SZT2: variants seen among roughly 807,000 people sequenced by gnomAD.
SZT2 encodes the protein KICSTOR complex protein SZT2.
SZT2 carries 216 observed loss-of-function variants against 404.2 expected under a neutral mutation model. That is an observed-to-expected ratio of 0.53 (90% CI 0.48 to 0.60). The LOEUF is 0.60. SZT2 is among the 20% of genes least tolerant of loss of function. The probability of loss-of-function intolerance (pLI) is 0.00; values close to 1 mark genes in which losing one functional copy is unlikely to be tolerated. For synonymous variants in SZT2, 1,693 were observed against 1,749.9 expected, an observed-to-expected ratio of 0.97 and a Z score of 0.81; for missense variants, 3,857 against 4,459.2, an observed-to-expected ratio of 0.86 and a Z score of 3.85.
intron 1 of SZT2, among the ~76,000 whole-genome samples, chr1:43,392,083 C>CAA (rs57476239): frequency 5.9e-4 from 2 of 3,378 alleles, no homozygotes; most frequent in African/African-American, 1.6e-3. Context: ...GACTCCGTCT[C>CAA]AAAAAAAAAA....
intron 36 of SZT2, 144 bp downstream of exon 36, chr1:43,432,045 A>C: frequency 8.4e-7 from 1 of 1,186,372 alleles, no homozygotes; most frequent in Non-Finnish European, 1.2e-6. Context: ...ATCTGCCCTA[A>C]CCCCTGTGCT....
chr1:43,400,524 G>A (rs1432466875), intron 1 of SZT2, among the ~76,000 whole-genome samples: 2 of 152,064 alleles, frequency 1.3e-5, no homozygotes, highest in Non-Finnish European at 2.9e-5. Flanking sequence ...TTGGACCTCT[G>A]TTTTCTCCTG....
In SZT2 at chr1:43,434,397, G is replaced by A. The variant is rs779576338; in HGVS notation, c.5816G>A (p.Arg1939Gln). ...TCCTTCCTTCCCAGGAGCCTGATTCGGGAGGATGGGGGGCCGGGCACTGAG... is the reference window on the plus strand; with the variant it reads ...TCCTTCCTTCCCAGGAGCCTGATTCAGGAGGATGGGGGGCCGGGCACTGAG... ...EVYAHARSLI[R>Q]EDGGPGTECR... is the part of the protein sequence containing the mutation. Residue 1939 changes from arginine to glutamine, a missense_variant, in exon 41 of 72, where the codon CGG becomes CAG. Around this residue, in one of 7 missense-constraint regions of SZT2, gnomAD observed 1,725 missense variants for 1,881.0 expected, o/e 0.92. Transcript: ENST00000634258. 2.0e-5 allele frequency: 32 copies of A among 1,594,144 alleles called. No individual in the cohort carries two copies. The highest frequency in any genetic ancestry group is 6.8e-5 in the East Asian group (3 of 44,322).
intron 1 of SZT2, among the ~76,000 whole-genome samples, chr1:43,398,510 A>C (rs1302848245): frequency 1.3e-5 from 2 of 152,294 alleles, no homozygotes; most frequent in African/African-American, 4.8e-5. Context: ...TTTAGATAAG[A>C]ACTTTGGCAG....
chr1:43,422,902 G>A lies in SZT2; in HGVS notation c.2037+19G>A, dbSNP rs1354503171. 4 of 1,563,620 alleles carry A rather than the reference G, an allele frequency of 2.6e-6. No individual in the cohort carries two copies. Among genetic ancestry groups the A allele is most frequent in the Non-Finnish European group, 3.4e-6 (4 of 1,161,464 alleles). On this transcript the variant is annotated intron_variant, in intron 14 of 71. Transcript: ENST00000634258. The stretch of plus-strand genomic sequence containing the variant: ...GCACAAGGTAAGCTGGGCCCTGACT[G>A]ACTCTGACCAAGGAGCCCTAGGGTG...
Position 43,424,561 on chromosome 1 carries a change from T to A in SZT2, c.2471+129T>A, listed in dbSNP as rs1256258726. The A allele has an allele frequency of 3.0e-6, 3 of 1,002,448 alleles. No individual in the cohort carries two copies. In the African/African-American group the frequency reaches 4.8e-5, roughly 16 times the overall value. 62.1% of individuals were successfully genotyped at this position (1,002,448 alleles called of 1,614,324 possible). ...CCAGTCTGAAGTATAGAGCAGCATC[T>A]GCTACTGCCCTCCCTGTCTCCTCCC... On this transcript the variant is annotated intron_variant, in intron 16 of 71. Transcript: ENST00000634258. The surrounding 1 kb of genome is among the most constrained non-coding windows in gnomAD (Gnocchi z 4.1).
chr1:43,453,674 C>A lies in SZT2; in HGVS notation c.*3194C>A. The A allele has an allele frequency of 6.8e-7, 1 of 1,470,678 alleles. No individual in the cohort carries two copies. The highest frequency in any genetic ancestry group is 8.9e-7 in the Non-Finnish European group (1 of 1,119,578). 91.1% of individuals were successfully genotyped at this position (1,470,678 alleles called of 1,614,324 possible). On this transcript the variant is annotated 3_prime_UTR_variant, in exon 72 of 72. Transcript: ENST00000634258. ...CCAGCGCCTCAGGCGTCTCCGCGTA[C>A]GGCCAGGCCACCTCGACGGCCTCGA...
chr1:43,411,582 G>GT (rs1226836275), intron 4 of SZT2, among the ~76,000 whole-genome samples: 2 of 152,142 alleles, frequency 1.3e-5, no homozygotes, highest in East Asian at 3.9e-4. Context: ...CAGAAGAACA[G>GT]TTTCTCTGCT....
At chr1:43,399,634 T>C (rs1649436378) in intron 1 of SZT2, among the ~76,000 whole-genome samples, 1 of 152,064 alleles carries the variant, frequency 6.6e-6, no homozygotes, top group East Asian at 1.9e-4. Flanking sequence ...GCTAATTTTT[T>C]GTATTTTTAG....
chr1:43,415,362 C>T, intron 5 of SZT2, 149 bp downstream of exon 5: 1 of 925,172 alleles, frequency 1.1e-6, no homozygotes, highest in South Asian at 1.8e-5. Flanking sequence ...ATGACACACT[C>T]CCTGTTGGAG....
chr1:43,413,091 A>C (rs1008611156), intron 4 of SZT2, among the ~76,000 whole-genome samples: 1 of 152,336 alleles, frequency 6.6e-6, no homozygotes, highest in African/African-American at 2.4e-5. Context: ...TATGAAGAAC[A>C]GTTTGGAGGT....
chr1:43,446,088 ACACCATTAAAGT>A, intron 63 of SZT2, 79 bp from the exon 64 acceptor site: 1 of 1,584,554 alleles, frequency 6.3e-7, no homozygotes, highest in East Asian at 2.2e-5. Context: ...TCCCAGACTG[ACACCATTAAAGT>A]CAGGGTCCAA....
In SZT2 at chr1:43,424,484, A is replaced by G. The variant is rs2153932927; in HGVS notation, c.2471+52A>G. The G allele has an allele frequency of 6.4e-7, 1 of 1,553,334 alleles. No individual in the cohort carries two copies. The highest frequency in any genetic ancestry group is 8.7e-7 in the Non-Finnish European group (1 of 1,142,912). On this transcript the variant is annotated intron_variant, in intron 16 of 71. Transcript: ENST00000634258. This position sits in a 1 kb window ranked among gnomAD's most constrained non-coding sequence, Gnocchi z 4.1. ...CTCGGGGCAAGGAGAGAGCAAGTGT[A>G]GACTGGGACACTAGCAAAAAGCCTA...
rs575969363 is a variant in SZT2 at position 43,439,992 on chromosome 1, C to G, written c.7154C>G (p.Ala2385Gly). The change falls in exon 51 of 72, where the codon GCC (alanine) becomes GGC (glycine). Residue 2385 changes from alanine to glycine, a missense_variant. Transcript: ENST00000634258. This position sits in a 1 kb window ranked among gnomAD's most constrained non-coding sequence, Gnocchi z 4.2. ...RGAARQALAD[A>G]IIELQLLPAS... ...GCAGCTCGCCAGGCCCTGGCCGATG[C>G]CATCATCGAGCTTCAGCTGCTGCCA... is the stretch of plus-strand genomic sequence containing the variant. 2 of 1,614,178 alleles carry G rather than the reference C, an allele frequency of 1.2e-6. No individual in the cohort carries two copies. Among genetic ancestry groups the G allele is most frequent in the South Asian group, 2.2e-5 (2 of 91,078 alleles).
rs764056824 is a variant in SZT2 at position 43,450,307 on chromosome 1, A to G, written c.10156-30A>G. 1 of 1,613,514 alleles carries G rather than the reference A, an allele frequency of 6.2e-7. No individual in the cohort carries two copies. The highest frequency in any genetic ancestry group is 8.5e-7 in the Non-Finnish European group (1 of 1,179,760). The stretch of plus-strand genomic sequence containing the variant: ...CTATCCCCACCCATGCCCTCCTCTC[A>G]CCAGTGCATCCCCACCGTGTTCCCC... On this transcript the variant is annotated intron_variant, in intron 71 of 71. Transcript: ENST00000634258. This position sits in a 1 kb window ranked among gnomAD's most constrained non-coding sequence, Gnocchi z 4.3.
At chr1:43,404,233 C>A in intron 3 of SZT2, 147 bp from the exon 4 acceptor site, 2 of 694,094 alleles carry the variant, frequency 2.9e-6, no homozygotes, top group South Asian at 2.1e-5. Flanking sequence ...AAAAAACACC[C>A]CAGAAACTGT....
chr1:43,433,285 T>G, intron 40 of SZT2, 95 bp downstream of exon 40: 1 of 1,383,384 alleles, frequency 7.2e-7, no homozygotes, highest in East Asian at 2.3e-5. Flanking sequence ...GAAGTAAGAC[T>G]TGGGACTGAG....
chr1:43,448,152 C>T lies in SZT2; in HGVS notation c.9637C>T (p.Arg3213Trp), dbSNP rs1483282139. Residue 3213 changes from arginine to tryptophan, a missense_variant, in exon 69 of 72, where the codon CGG (arginine) becomes TGG (tryptophan). Arg to Trp is a moderately radical substitution (Grantham distance 101). This residue lies in a region of SZT2 where 717 missense variants were observed against 868.2 expected (regional missense o/e 0.83). Transcript: ENST00000634258. The surrounding 1 kb of genome is among the most constrained non-coding windows in gnomAD (Gnocchi z 4.2). ...PRLTADMRRF[R>W]KPPRLPPEPE... ...GCTCACTGCTGACATGCGCCGCTTC[C>T]GGAAGCCACCCAGACTGCCCCCTGA... 1.6e-5 allele frequency: 26 copies of T among 1,610,394 alleles called. 1 individual carries two copies. Among genetic ancestry groups the T allele is most frequent in the African/African-American group, 9.4e-5 (7 of 74,828 alleles).
intron 4 of SZT2, 97 bp downstream of exon 4, chr1:43,404,647 T>C: frequency 7.5e-7 from 1 of 1,335,564 alleles, no homozygotes. Context: ...GTCCCCAAAG[T>C]CCCGAGCTCT....
Sources: gnomAD v4.1 joint callset for allele counts (sites outside exome capture counted in the v4.1 genomes callset) on GRCh38, gnomAD v4.1.1 for gene constraint, gnomAD v4.1.1 regional missense constraint, Gnocchi (gnomAD v3.1) non-coding constraint, MANE v1.5 for transcripts, NCBI Gene and HGNC (gene_info 2026-07-23, HGNC 2026-07-21) for gene names.